The following CDH4 variants were observed in gnomAD, a reference collection of about 807,000 sequenced individuals.
CDH4 encodes cadherin 4, also known as cadherin-4.
A neutral mutation model predicts 86.0 loss-of-function variants in CDH4; 33 were observed. The ratio of observed to expected loss-of-function variants is 0.38; its 90% CI spans 0.29 to 0.51. The LOEUF (loss-of-function observed/expected upper bound fraction) is 0.51, where lower values mean the gene tolerates loss of function less well. CDH4 is among the 20% of genes least tolerant of loss of function. The pLI, the probability that CDH4 is intolerant of heterozygous loss-of-function variation, is 0.86. For missense variants in CDH4, 1,114 were observed against 1,307.4 expected (o/e 0.85, Z 2.28); for synonymous variants, 555 against 549.4 (o/e 1.01, Z -0.14).
chr20:61,348,647 T>C lies in CDH4; in HGVS notation c.169+93710T>C, dbSNP rs181223749. On this transcript the variant is annotated intron_variant, in intron 2 of 15. Coordinates refer to ENST00000614565, the MANE Select transcript of CDH4 (RefSeq NM_001794.5). Reference sequence around the variant, plus strand: ...CAGTTTATGTATCATGATATCTTCTTTCAATAATCTGGCTGAATCTCTCCA... The same window carrying C: ...CAGTTTATGTATCATGATATCTTCTCTCAATAATCTGGCTGAATCTCTCCA... 2.6e-5 allele frequency among the ~76,000 whole-genome samples: 4 copies of C among 152,340 alleles called. No homozygotes were observed. In the East Asian group the frequency reaches 7.7e-4, roughly 29 times the overall value.
intron 4 of CDH4, among the ~76,000 whole-genome samples, chr20:61,782,002 AT>A (rs2100091558): frequency 2.6e-5 from 4 of 152,224 alleles, no homozygotes; most frequent in African/African-American, 9.6e-5. Context: ...TCCAGAAAAA[AT>A]ATCCTTCAAA....
intron 2 of CDH4, among the ~76,000 whole-genome samples, chr20:61,668,558 C>T (rs1571597): frequency 0.016 from 2,363 of 152,312 alleles, 28 homozygotes; most frequent in Middle Eastern, 0.031. Flanking sequence ...TCCAGGCTGC[C>T]AGCACCTGCT....
intron 2 of CDH4, among the ~76,000 whole-genome samples, chr20:61,563,166 G>T (rs1282268786): frequency 2.6e-5 from 4 of 152,224 alleles, no homozygotes; most frequent in African/African-American, 9.6e-5. Flanking sequence ...TTCTACACAA[G>T]GGCCCACGGG....
At chr20:61,586,800 G>GAC (rs574484435) in intron 2 of CDH4, among the ~76,000 whole-genome samples, 1 of 152,150 alleles carries the variant, frequency 6.6e-6, no homozygotes, top group Non-Finnish European at 1.5e-5. Flanking sequence ...AGAGACAAGA[G>GAC]ACACACACAG....
At position 61,581,481 on chromosome 20, in the gene CDH4, T is replaced by G. The variant is rs578242693; in HGVS notation, c.170-162082T>G. ...GCCCCTCCTCCATCTTCATGGCCAG[T>G]GAGGCGGCCTGCTCTGGTCCCTCTC... On this transcript the variant is annotated intron_variant, in intron 2 of 15. Transcript: ENST00000614565. Among the ~76,000 whole-genome samples the G allele has an allele frequency of 2.1e-4, 32 of 152,226 alleles. No homozygotes were observed. The East Asian group carries it at 5.6e-3, about 27-fold the overall frequency.
intron 3 of CDH4, among the ~76,000 whole-genome samples, chr20:61,751,179 G>T (rs2088489631): frequency 6.6e-6 from 1 of 152,134 alleles, no homozygotes. Context: ...AAGATGGGAG[G>T]ACACATCCTT....
At chr20:61,897,611 C>T (rs926119399) in intron 8 of CDH4, among the ~76,000 whole-genome samples, 1 of 152,358 alleles carries the variant, frequency 6.6e-6, no homozygotes, top group Non-Finnish European at 1.5e-5. Context: ...ACCCTCGCCG[C>T]AACTGCTGAC....
At chr20:61,307,684 A>G (rs1316228544) in intron 2 of CDH4, among the ~76,000 whole-genome samples, 1 of 152,188 alleles carries the variant, frequency 6.6e-6, no homozygotes, top group Non-Finnish European at 1.5e-5. Context: ...AAACTACATC[A>G]GGAAGAGGGG....
chr20:61,787,104 ATCCATCCATCCATCCATCCGTCTGTCCG>A (rs1978922164), intron 4 of CDH4, among the ~76,000 whole-genome samples: 1 of 74,792 alleles, frequency 1.3e-5, no homozygotes, highest in South Asian at 4.5e-4. Flanking sequence ...TCCATCATCC[ATCCATCCATCCATCCATCCGTCTGTCCG>A]TCCATCCATC....
At chr20:61,295,246 C>T (rs2084345822) in intron 2 of CDH4, among the ~76,000 whole-genome samples, 1 of 152,244 alleles carries the variant, frequency 6.6e-6, no homozygotes, top group East Asian at 1.9e-4. Flanking sequence ...TTTAATTTTG[C>T]TGAGGTTGGG....
Position 61,811,797 on chromosome 20 carries a change from A to G in CDH4, c.577-32871A>G, listed in dbSNP as rs1342510047. ...AGCAATTCTCCTGCCTCAGCCTCCCATGTAGCTGGTACTACAGGCACACGT... is the reference window on the plus strand; with the variant it reads ...AGCAATTCTCCTGCCTCAGCCTCCCGTGTAGCTGGTACTACAGGCACACGT... On this transcript the variant is annotated intron_variant, in intron 4 of 15. Transcript: ENST00000614565. This position sits in a 1 kb window ranked among gnomAD's most constrained non-coding sequence, Gnocchi z 4.4. Among the ~76,000 whole-genome samples the G allele has an allele frequency of 6.8e-6, 1 of 148,048 alleles. No individual in the cohort carries two copies. Among genetic ancestry groups the G allele is most frequent in the African/African-American group, 2.5e-5 (1 of 39,872 alleles).
chr20:61,555,600 C>T (rs930728474), intron 2 of CDH4, among the ~76,000 whole-genome samples: 1 of 152,228 alleles, frequency 6.6e-6, no homozygotes, highest in African/African-American at 2.4e-5. Context: ...GCCATTTGCA[C>T]AGAGACTAAA....
At chr20:61,499,240 T>C (rs1423875870) in intron 2 of CDH4, among the ~76,000 whole-genome samples, 1 of 152,234 alleles carries the variant, frequency 6.6e-6, no homozygotes, top group Non-Finnish European at 1.5e-5. Context: ...CCACTCATCC[T>C]CAGCGTCAGG....
At chr20:61,927,973 C>T (rs75749995) in intron 11 of CDH4, among the ~76,000 whole-genome samples, 2,900 of 152,252 alleles carry the variant, frequency 0.019, 34 homozygotes, top group Non-Finnish European at 0.029. Flanking sequence ...CTGCCCATGG[C>T]GTGTGGCAGG....
At chr20:61,641,250 C>G (rs1177396076) in intron 2 of CDH4, among the ~76,000 whole-genome samples, 2 of 152,242 alleles carry the variant, frequency 1.3e-5, no homozygotes, top group Non-Finnish European at 2.9e-5. Flanking sequence ...AGCCCTTTCC[C>G]CATTTCATGA....
chr20:61,882,304 G>A lies in CDH4; in HGVS notation c.1050+8404G>A, dbSNP rs116541824. ...GACGTGAAAGCCAGGTTACTTAGGAGGAAGGAGCGGGGATTTCATCTGTGC... is the reference window on the plus strand; with the variant it reads ...GACGTGAAAGCCAGGTTACTTAGGAAGAAGGAGCGGGGATTTCATCTGTGC... On this transcript the variant is annotated intron_variant, in intron 7 of 15. Transcript: ENST00000614565. 6.2e-3 allele frequency among the ~76,000 whole-genome samples: 943 copies of A among 152,386 alleles called. 4 individuals carry two copies. Among genetic ancestry groups the A allele is most frequent in the African/African-American group, 0.017 (711 of 41,594 alleles).
At position 61,417,414 on chromosome 20, in the gene CDH4, C is replaced by A. The variant is rs2085152930; in HGVS notation, c.169+162477C>A. On this transcript the variant is annotated intron_variant, in intron 2 of 15. Transcript: ENST00000614565. The surrounding 1 kb of genome is among the most constrained non-coding windows in gnomAD (Gnocchi z 4.0). ...TGAGGTCACCTATTCCACCTTGAGC[C>A]AGCTGTGGGGTGTGGGGCCCGAGTG... Among the ~76,000 whole-genome samples the A allele has an allele frequency of 1.3e-5, 2 of 152,154 alleles. No homozygotes were observed. The highest frequency in any genetic ancestry group is 6.6e-5 in the Admixed American group (1 of 15,264).
chr20:61,526,759 A>C (rs2085914003), intron 2 of CDH4, among the ~76,000 whole-genome samples: 1 of 150,498 alleles, frequency 6.6e-6, no homozygotes, highest in Admixed American at 6.7e-5. Flanking sequence ...TCATGATTGC[A>C]GTTGTCATGT....
chr20:61,259,775 G>A (rs577240499), intron 2 of CDH4, among the ~76,000 whole-genome samples: 2 of 152,316 alleles, frequency 1.3e-5, no homozygotes, highest in African/African-American at 4.8e-5. Context: ...ATGTGGCAAT[G>A]TGGCTTCTTT....
Sources: gnomAD v4.1 joint callset for allele counts (sites outside exome capture counted in the v4.1 genomes callset) on GRCh38, gnomAD v4.1.1 for gene constraint, Gnocchi (gnomAD v3.1) non-coding constraint, MANE v1.5 for transcripts, NCBI Gene and HGNC (gene_info 2026-07-23, HGNC 2026-07-21) for gene names.